Variants in LARGE1 observed in about 807,000 individuals in gnomAD.
LARGE1 encodes xylosyl- and glucuronyltransferase LARGE1.
A neutral mutation model predicts 87.6 loss-of-function variants in LARGE1; 43 were observed. That is an observed-to-expected ratio of 0.49 (90% CI 0.38 to 0.63). LARGE1 has a LOEUF of 0.63. LARGE1 is among the 30% of genes least tolerant of loss of function. The pLI is 0.00. For synonymous variants in LARGE1, 434 were observed against 394.6 expected (o/e 1.10, Z -1.18); for missense variants, 802 against 1,000.2 (o/e 0.80, Z 2.67).
chr22:33,820,958 C>G (rs1183806537), intron 1 of LARGE1, among the ~76,000 whole-genome samples: 1 of 152,182 alleles, frequency 6.6e-6, no homozygotes, highest in African/African-American at 2.4e-5. Flanking sequence ...TGCACCAACA[C>G]AATACATTTA....
intron 1 of LARGE1, among the ~76,000 whole-genome samples, chr22:33,870,882 G>A (rs2064259183): frequency 6.6e-6 from 1 of 152,086 alleles, no homozygotes; most frequent in Non-Finnish European, 1.5e-5. Context: ...CCATTTTAAA[G>A]GAGGGAAAAC....
chr22:33,707,692 A>G (rs919210293), intron 2 of LARGE1, among the ~76,000 whole-genome samples: 2 of 152,238 alleles, frequency 1.3e-5, no homozygotes, highest in African/African-American at 2.4e-5. Flanking sequence ...AAAGATACAG[A>G]TAAGTCCGGG....
chr22:33,668,418 G>A (rs774208315), intron 2 of LARGE1, among the ~76,000 whole-genome samples: 8 of 152,288 alleles, frequency 5.3e-5, no homozygotes, highest in Admixed American at 3.3e-4. Flanking sequence ...TAAATGAGAT[G>A]AAGCACTAGA....
chr22:33,116,652 C>T, the LARGE1 span, among the ~76,000 whole-genome samples: 2 of 152,106 alleles, frequency 1.3e-5, no homozygotes, highest in Non-Finnish European at 2.9e-5. Flanking sequence ...CGTGAGCCAC[C>T]GCGCCCAGCT....
At chr22:33,747,354 C>T (rs5999082) in intron 2 of LARGE1, among the ~76,000 whole-genome samples, 25,961 of 151,806 alleles carry the variant, frequency 0.17, 2,427 homozygotes, top group African/African-American at 0.26. Flanking sequence ...TGTTGCTTCT[C>T]CTCTCTTCTC....
At chr22:33,844,113 A>G (rs944851177) in intron 1 of LARGE1, among the ~76,000 whole-genome samples, 2 of 151,486 alleles carry the variant, frequency 1.3e-5, no homozygotes, top group Admixed American at 1.3e-4. Flanking sequence ...AAAAACCTCC[A>G]ATTTACAGAC....
At position 33,693,761 on chromosome 22, in the gene LARGE1, T is replaced by C. The variant is rs560253753; in HGVS notation, c.107-43093A>G. Among the ~76,000 whole-genome samples the C allele has an allele frequency of 2.6e-5, 4 of 152,130 alleles. No homozygotes were observed. The South Asian group carries it at 8.3e-4, about 32-fold the overall frequency. ...ATCACTTGAACCCCGGAGGCGGAAGTTGCAGTGAGCCAAGATTACACCATT... is the reference window on the plus strand; with the variant it reads ...ATCACTTGAACCCCGGAGGCGGAAGCTGCAGTGAGCCAAGATTACACCATT... On this transcript the variant is annotated intron_variant, in intron 2 of 14. Transcript: ENST00000397394.
At chr22:33,346,551 C>A (rs5754530) in intron 9 of LARGE1, among the ~76,000 whole-genome samples, 1 of 152,318 alleles carries the variant, frequency 6.6e-6, no homozygotes, top group East Asian at 1.9e-4. Context: ...GATCTGCCCA[C>A]CTCGGCCTCC....
rs571894639 is a variant in LARGE1 at position 33,375,473 on chromosome 22, C to T, written c.1131+6446G>A. ...GACCAGCCTGGCATACATGGTGAAA[C>T]TCTGTCTCTCCTAAAAATAAAAAAA... On this transcript the variant is annotated intron_variant, in intron 9 of 14. Coordinates refer to ENST00000397394, the MANE Select transcript of LARGE1 (RefSeq NM_133642.5). Among the ~76,000 whole-genome samples, 235 of 149,928 alleles carry T rather than the reference C, an allele frequency of 1.6e-3. 1 individual carries two copies. Among genetic ancestry groups the T allele is most frequent in the Non-Finnish European group, 2.5e-3 (173 of 67,916 alleles).
At chr22:33,329,058 G>A (rs1241069006) in intron 10 of LARGE1, among the ~76,000 whole-genome samples, 2 of 152,164 alleles carry the variant, frequency 1.3e-5, no homozygotes, top group African/African-American at 2.4e-5. Context: ...ACAAAGAGCT[G>A]TGCTCATGCA....
At chr22:33,428,686 G>A (rs1314496531) in intron 7 of LARGE1, among the ~76,000 whole-genome samples, 5 of 147,022 alleles carry the variant, frequency 3.4e-5, no homozygotes, top group Admixed American at 2.7e-4. Context: ...ACTTTGGGAG[G>A]CTGAGGCGGG....
At chr22:33,858,058 G>C (rs1156584404) in intron 1 of LARGE1, among the ~76,000 whole-genome samples, 1 of 152,212 alleles carries the variant, frequency 6.6e-6, no homozygotes, top group Non-Finnish European at 1.5e-5. Flanking sequence ...CTTGGGCCAT[G>C]TGGTGAGTGT....
chr22:33,072,467 A>G, the LARGE1 span, among the ~76,000 whole-genome samples: 1 of 152,110 alleles, frequency 6.6e-6, no homozygotes, highest in African/African-American at 2.4e-5. Flanking sequence ...TGATCAGGAG[A>G]CAATAGATAG....
intron 12 of LARGE1, among the ~76,000 whole-genome samples, chr22:33,289,583 G>A (rs1329696852): frequency 1.3e-5 from 2 of 152,174 alleles, no homozygotes; most frequent in African/African-American, 4.8e-5. Context: ...GAGAATGGGC[G>A]AGAGTGAAGG....
At chr22:33,771,863 T>C (rs2085077178) in intron 1 of LARGE1, among the ~76,000 whole-genome samples, 1 of 152,218 alleles carries the variant, frequency 6.6e-6, no homozygotes, top group African/African-American at 2.4e-5. Flanking sequence ...AGTTCCTCAC[T>C]CAAACAGCTC....
intron 2 of LARGE1, among the ~76,000 whole-genome samples, chr22:33,709,010 G>A (rs1338744107): frequency 2.6e-5 from 4 of 151,992 alleles, no homozygotes; most frequent in Admixed American, 1.3e-4. Context: ...CTTCTTATAG[G>A]GACACCAGTC....
intron 6 of LARGE1, among the ~76,000 whole-genome samples, chr22:33,469,424 C>T (rs569714924): frequency 3.2e-4 from 49 of 151,618 alleles, no homozygotes; most frequent in African/African-American, 1.1e-3. Flanking sequence ...AACACACTAA[C>T]GCAGGAACAC....
At chr22:33,898,299 C>CA (rs2065197169) in intron 1 of LARGE1, among the ~76,000 whole-genome samples, 2 of 151,450 alleles carry the variant, frequency 1.3e-5, no homozygotes, top group Non-Finnish European at 2.9e-5. Flanking sequence ...CCAAGTGCCC[C>CA]GCCCCCCATC....
intron 2 of LARGE1, among the ~76,000 whole-genome samples, chr22:33,687,808 T>C (rs1603149176): frequency 6.6e-6 from 1 of 152,160 alleles, no homozygotes; most frequent in Non-Finnish European, 1.5e-5. Context: ...CCAACCTGAG[T>C]GCTACCCACT....
Sources: gnomAD v4.1 joint callset for allele counts (sites outside exome capture counted in the v4.1 genomes callset) on GRCh38, gnomAD v4.1.1 for gene constraint, MANE v1.5 for transcripts, NCBI Gene and HGNC (gene_info 2026-07-23, HGNC 2026-07-21) for gene names.